The following SAMD5 variants were observed in gnomAD, a reference collection of about 807,000 sequenced individuals.
SAMD5 encodes the protein sterile alpha motif domain containing 5.
In SAMD5, 13 loss-of-function variants were observed where a neutral mutation model predicts 11.3. The observed-to-expected ratio is 1.15, with a 90% CI of 0.75 to 1.83. The LOEUF (loss-of-function observed/expected upper bound fraction) is 1.83, where lower values mean the gene tolerates loss of function less well. Among genes scored for constraint, SAMD5 ranks in the 40% most tolerant of loss-of-function variants. SAMD5 has a pLI of 0.00. For missense variants in SAMD5, 255 were observed against 239.1 expected (o/e 1.07, Z -0.44); for synonymous variants, 129 against 111.3 (o/e 1.16, Z -1.00).
the SAMD5 span, chr6:147,947,540 G>C: frequency 1.7e-4 from 26 of 152,026 alleles, no homozygotes; most frequent in African/African-American, 6.0e-4. Context: ...GTTTTGCTCT[G>C]GTACAAGGTA....
chr6:147,524,419 G>GTTT (rs202193174), intron 1 of SAMD5, among the ~76,000 whole-genome samples: 4 of 148,522 alleles, frequency 2.7e-5, no homozygotes, highest in Admixed American at 6.7e-5. Context: ...TTTTGTTTTT[G>GTTT]TTGTTTTTTT....
At chr6:147,834,521 G>A in the SAMD5 span, among the ~76,000 whole-genome samples, 1 of 152,340 alleles carries the variant, frequency 6.6e-6, no homozygotes, top group Admixed American at 6.5e-5. Context: ...GATTAGGCGA[G>A]GACAAGGATG....
At chr6:147,910,644 G>A in the SAMD5 span, among the ~76,000 whole-genome samples, 1 of 152,158 alleles carries the variant, frequency 6.6e-6, no homozygotes. Context: ...AATGAGAGGA[G>A]CCCATTATCT....
At chr6:147,756,452 T>A in the SAMD5 span, among the ~76,000 whole-genome samples, 6 of 152,156 alleles carry the variant, frequency 3.9e-5, no homozygotes, top group Non-Finnish European at 2.9e-5. Flanking sequence ...TTTAAAAACG[T>A]TTAAAAAGTG....
intron 1 of SAMD5, among the ~76,000 whole-genome samples, chr6:147,550,768 A>T (rs702325): frequency 0.62 from 93,762 of 151,914 alleles, 30,067 homozygotes; most frequent in East Asian, 0.92. Flanking sequence ...TGAGGTGGGC[A>T]GAGGTGAGGG....
At chr6:147,722,695 A>G (rs763613729) in intron 1 of SAMD5, among the ~76,000 whole-genome samples, 4 of 152,200 alleles carry the variant, frequency 2.6e-5, no homozygotes, top group Admixed American at 1.3e-4. Context: ...AGGCTTGTTT[A>G]GTCATATTTT....
chr6:147,680,368 T>C (rs1474819019), intron 1 of SAMD5, among the ~76,000 whole-genome samples: 1 of 152,160 alleles, frequency 6.6e-6, no homozygotes, highest in African/African-American at 2.4e-5. Flanking sequence ...ATCTTGATCT[T>C]GTATCCTACA....
At chr6:147,650,854 G>C (rs1481366172) in intron 1 of SAMD5, among the ~76,000 whole-genome samples, 3 of 152,170 alleles carry the variant, frequency 2.0e-5, no homozygotes, top group Non-Finnish European at 2.9e-5. Context: ...TGCAATTTTG[G>C]TTGGAACGCA....
At chr6:147,950,516 C>T in the SAMD5 span, among the ~76,000 whole-genome samples, 1 of 152,142 alleles carries the variant, frequency 6.6e-6, no homozygotes, top group Admixed American at 6.5e-5. Flanking sequence ...CTAGCTAACT[C>T]ACATTTGGCC....
chr6:147,650,264 A>C (rs1583124061), intron 1 of SAMD5, among the ~76,000 whole-genome samples: 1 of 152,228 alleles, frequency 6.6e-6, no homozygotes, highest in Non-Finnish European at 1.5e-5. Flanking sequence ...GGTGAAGGAC[A>C]CCTGTCATAT....
the SAMD5 span, among the ~76,000 whole-genome samples, chr6:147,948,620 T>G: frequency 6.6e-6 from 1 of 152,206 alleles, no homozygotes; most frequent in Non-Finnish European, 1.5e-5. Flanking sequence ...ATTAATAAAT[T>G]TAGCTGAGAT....
At chr6:147,920,828 C>T in the SAMD5 span, among the ~76,000 whole-genome samples, 3 of 152,122 alleles carry the variant, frequency 2.0e-5, no homozygotes, top group Non-Finnish European at 4.4e-5. Flanking sequence ...AATACGAAAA[C>T]ACTGTAGGTG....
At chr6:147,895,976 G>T in the SAMD5 span, among the ~76,000 whole-genome samples, 1 of 152,214 alleles carries the variant, frequency 6.6e-6, no homozygotes, top group African/African-American at 2.4e-5. Flanking sequence ...ACTAATATTT[G>T]ATTAGTGAAG....
the SAMD5 span, among the ~76,000 whole-genome samples, chr6:147,936,647 A>G: frequency 6.6e-6 from 1 of 152,184 alleles, no homozygotes; most frequent in Non-Finnish European, 1.5e-5. Flanking sequence ...ACAAATATCC[A>G]AACTACGTCA....
At chr6:147,609,714 G>A (rs1308320683) in intron 1 of SAMD5, among the ~76,000 whole-genome samples, 4 of 151,854 alleles carry the variant, frequency 2.6e-5, no homozygotes, top group East Asian at 1.9e-4. Flanking sequence ...CCGCCACCAC[G>A]CCTGGCTAAT....
At chr6:147,920,331 A>C in the SAMD5 span, among the ~76,000 whole-genome samples, 89,830 of 151,954 alleles carry the variant, frequency 0.59, 27,403 homozygotes, top group African/African-American at 0.75. Flanking sequence ...CATCAGACTC[A>C]AAGTTCTATA....
the SAMD5 span, among the ~76,000 whole-genome samples, chr6:147,896,007 C>T: frequency 1.3e-5 from 2 of 152,262 alleles, no homozygotes; most frequent in African/African-American, 2.4e-5. Context: ...GTGTGTTGCA[C>T]GTGGCATAGC....
the SAMD5 span, among the ~76,000 whole-genome samples, chr6:147,935,824 C>T: frequency 6.6e-6 from 1 of 152,182 alleles, no homozygotes; most frequent in Non-Finnish European, 1.5e-5. Flanking sequence ...CAGAGTCACA[C>T]CCTGTGCAAT....
At chr6:147,718,599 C>G (rs1186092744) in intron 1 of SAMD5, among the ~76,000 whole-genome samples, 1 of 152,144 alleles carries the variant, frequency 6.6e-6, no homozygotes, top group Non-Finnish European at 1.5e-5. Flanking sequence ...ATAGAAACTT[C>G]AAGGAATTGA....
Sources: allele counts gnomAD v4.1 joint callset (sites outside exome capture counted in the v4.1 genomes callset), GRCh38; gene constraint gnomAD v4.1.1; transcripts MANE v1.5; gene names NCBI Gene and HGNC (gene_info 2026-07-23, HGNC 2026-07-21).